NAALADL2: variants seen among roughly 807,000 people sequenced by gnomAD.
NAALADL2 encodes inactive N-acetylated-alpha-linked acidic dipeptidase-like protein 2.
NAALADL2 carries 76 observed loss-of-function variants against 87.2 expected under a neutral mutation model. The ratio of observed to expected loss-of-function variants is 0.87; its 90% CI spans 0.72 to 1.05. The LOEUF is 1.05. Among genes scored for constraint, NAALADL2 ranks in the 50% least tolerant of loss-of-function variants. NAALADL2 has a pLI of 0.00. For missense variants in NAALADL2, 1,089 were observed against 945.8 expected (o/e 1.15, Z -1.99); for synonymous variants, 354 against 331.0 (o/e 1.07, Z -0.75).
chr3:174,813,644 T>A (rs1419530244), intron 3 of NAALADL2, among the ~76,000 whole-genome samples: 1 of 152,158 alleles, frequency 6.6e-6, no homozygotes, highest in Non-Finnish European at 1.5e-5. Flanking sequence ...TAGTTATTAC[T>A]CTTTGTTCTT....
At chr3:175,571,760 C>G (rs1049643505) in intron 9 of NAALADL2, among the ~76,000 whole-genome samples, 1 of 152,126 alleles carries the variant, frequency 6.6e-6, no homozygotes, top group East Asian at 1.9e-4. Flanking sequence ...ATGTTTTTCT[C>G]TTAAGGGAAA....
At chr3:175,786,469 C>A (rs971956221) in intron 13 of NAALADL2, among the ~76,000 whole-genome samples, 1 of 151,942 alleles carries the variant, frequency 6.6e-6, no homozygotes, top group Non-Finnish European at 1.5e-5. Context: ...ATTGCTGATA[C>A]CCTTTCTTCC....
intron 1 of NAALADL2, among the ~76,000 whole-genome samples, chr3:174,876,827 CAAA>C (rs374740215): frequency 7.2e-5 from 11 of 152,186 alleles, no homozygotes; most frequent in African/African-American, 2.6e-4. Flanking sequence ...GCTGCTAAAA[CAAA>C]ATACCATAGA....
chr3:175,026,845 G>A (rs1199986983), intron 1 of NAALADL2, among the ~76,000 whole-genome samples: 1 of 152,110 alleles, frequency 6.6e-6, no homozygotes, highest in Non-Finnish European at 1.5e-5. Flanking sequence ...GTGGTGTACT[G>A]GGGAGCACAT....
chr3:174,752,736 A>C (rs779627626), intron 3 of NAALADL2, among the ~76,000 whole-genome samples: 3 of 152,050 alleles, frequency 2.0e-5, no homozygotes, highest in Admixed American at 2.0e-4. Context: ...TTTTTTATGG[A>C]TAAAATACTT....
At chr3:175,039,426 T>C (rs1181917496) in intron 1 of NAALADL2, among the ~76,000 whole-genome samples, 1 of 152,122 alleles carries the variant, frequency 6.6e-6, no homozygotes, top group Non-Finnish European at 1.5e-5. Flanking sequence ...TTTAACTGAA[T>C]AGGATACCTA....
intron 6 of NAALADL2, among the ~76,000 whole-genome samples, chr3:175,460,349 G>C (rs750584479): frequency 2.6e-5 from 4 of 152,168 alleles, no homozygotes; most frequent in Admixed American, 6.6e-5. Flanking sequence ...CATGCATGAG[G>C]ATGTAAATAA....
At chr3:174,908,515 T>C (rs1733264110) in intron 1 of NAALADL2, among the ~76,000 whole-genome samples, 1 of 152,124 alleles carries the variant, frequency 6.6e-6, no homozygotes, top group African/African-American at 2.4e-5. Context: ...CTTGAAAATT[T>C]ATTTTCAAAG....
chr3:175,612,681 C>G (rs748352796), intron 10 of NAALADL2, among the ~76,000 whole-genome samples: 1 of 150,232 alleles, frequency 6.7e-6, no homozygotes, highest in Non-Finnish European at 1.5e-5. Context: ...GCTCTGACCT[C>G]AAAAAAAAAT....
intron 2 of NAALADL2, among the ~76,000 whole-genome samples, chr3:175,217,382 G>A (rs185694355): frequency 6.6e-6 from 1 of 152,126 alleles, no homozygotes; most frequent in Non-Finnish European, 1.5e-5. Context: ...AAGCAACTCC[G>A]CTTTGTACCA....
In NAALADL2 at chr3:175,298,329, A is replaced by T. The variant is rs1330902930; in HGVS notation, c.940-25846A>T. Among the ~76,000 whole-genome samples the T allele has an allele frequency of 2.0e-5, 3 of 152,146 alleles. No homozygotes were observed. In the East Asian group the frequency reaches 5.8e-4, roughly 29 times the overall value. On this transcript the variant is annotated intron_variant, in intron 4 of 13. Coordinates refer to ENST00000454872, the MANE Select transcript of NAALADL2 (RefSeq NM_207015.3). Reference sequence around the variant, plus strand: ...ATTATCAGACATAATATTCCTGACCAAACACTTTCATTTCATTGCTTTTGA... The same window carrying T: ...ATTATCAGACATAATATTCCTGACCTAACACTTTCATTTCATTGCTTTTGA...
At chr3:175,707,787 C>A (rs1739933390) in intron 11 of NAALADL2, among the ~76,000 whole-genome samples, 1 of 152,024 alleles carries the variant, frequency 6.6e-6, no homozygotes, top group African/African-American at 2.4e-5. Context: ...AAAGGTAGAT[C>A]TTGACCCTGC....
chr3:174,860,818 T>C (rs1228462991), intron 1 of NAALADL2, among the ~76,000 whole-genome samples: 1 of 152,096 alleles, frequency 6.6e-6, no homozygotes, highest in Non-Finnish European at 1.5e-5. Flanking sequence ...ATTTTGTTGT[T>C]GTTTCTTTCT....
chr3:175,741,018 C>T (rs540262421), intron 12 of NAALADL2, among the ~76,000 whole-genome samples: 1 of 152,216 alleles, frequency 6.6e-6, no homozygotes, highest in African/African-American at 2.4e-5. Flanking sequence ...AATTTGCTCA[C>T]ACAAGAGAGT....
chr3:175,177,710 A>T (rs2108962446), intron 2 of NAALADL2, among the ~76,000 whole-genome samples: 1 of 152,212 alleles, frequency 6.6e-6, no homozygotes, highest in East Asian at 1.9e-4. Context: ...AGTATATCCC[A>T]ACCACTCCTC....
At chr3:175,432,041 G>A (rs561656942) in intron 5 of NAALADL2, among the ~76,000 whole-genome samples, 283 of 151,930 alleles carry the variant, frequency 1.9e-3, no homozygotes, top group African/African-American at 6.6e-3. Context: ...AAAAAAAATA[G>A]CTTTTAACAG....
intron 5 of NAALADL2, among the ~76,000 whole-genome samples, chr3:175,367,750 T>G (rs1246390547): frequency 6.6e-6 from 1 of 152,180 alleles, no homozygotes; most frequent in Admixed American, 6.5e-5. Flanking sequence ...TTAAGGAGAT[T>G]TTGGGCTGAG....
chr3:175,360,744 C>A (rs1764893653), intron 5 of NAALADL2, among the ~76,000 whole-genome samples: 1 of 151,028 alleles, frequency 6.6e-6, no homozygotes, highest in Non-Finnish European at 1.5e-5. Flanking sequence ...ACTCTTTCTT[C>A]ATTTATTTTC....
intron 1 of NAALADL2, among the ~76,000 whole-genome samples, chr3:174,441,389 G>T (rs1714605185): frequency 2.0e-5 from 3 of 152,142 alleles, no homozygotes; most frequent in Admixed American, 6.5e-5. Context: ...TAGCAGCTCC[G>T]AGTCCCCGCT....
Sources: gnomAD v4.1 joint callset for allele counts (sites outside exome capture counted in the v4.1 genomes callset) on GRCh38, gnomAD v4.1.1 for gene constraint, MANE v1.5 for transcripts, NCBI Gene and HGNC (gene_info 2026-07-23, HGNC 2026-07-21) for gene names.